The following HMCN1 variants were observed in gnomAD, a reference collection of about 807,000 sequenced individuals.
HMCN1 encodes the protein hemicentin 1.
Under a neutral mutation model 625.9 loss-of-function variants are expected in HMCN1, and 321 were observed. That is an observed-to-expected ratio of 0.51 (90% CI 0.47 to 0.56). The LOEUF is 0.56. Ranked by LOEUF, HMCN1 falls within the 20% of genes least tolerant of loss-of-function variation. HMCN1 has a pLI of 0.00. For missense variants in HMCN1, 6,588 were observed against 6,887.3 expected (o/e 0.96, Z 1.54); for synonymous variants, 2,425 against 2,417.6 (o/e 1.00, Z -0.09).
At chr1:186,035,374 A>G (rs895350820) in intron 36 of HMCN1, among the ~76,000 whole-genome samples, 9 of 152,036 alleles carry the variant, frequency 5.9e-5, no homozygotes, top group African/African-American at 2.2e-4. Flanking sequence ...TTTATTTTAG[A>G]CTTTTCAAAA....
chr1:186,024,346 C>T (rs1654920780), intron 36 of HMCN1, among the ~76,000 whole-genome samples: 1 of 152,142 alleles, frequency 6.6e-6, no homozygotes, highest in African/African-American at 2.4e-5. Flanking sequence ...CAGCTGTCTC[C>T]AGCATCTGCT....
intron 4 of HMCN1, among the ~76,000 whole-genome samples, chr1:185,869,791 A>G (rs2102367075): frequency 6.6e-6 from 1 of 152,256 alleles, no homozygotes; most frequent in South Asian, 2.1e-4. Flanking sequence ...AACTCTAGGG[A>G]AAACAGATGC....
In HMCN1 at chr1:186,119,869, T is replaced by A. The variant is rs1558237872; in HGVS notation, c.12081T>A (p.Asn4027Lys). 2 of 1,614,136 alleles carry A rather than the reference T, an allele frequency of 1.2e-6. No homozygotes were observed. The highest frequency in any genetic ancestry group is 1.7e-5 in the Admixed American group (1 of 60,018). The stretch of plus-strand genomic sequence containing the variant: ...TTACTTGGCAAAAAGAAGGCATCAA[T>A]GTTAACACTTCAGGTACCTACCACT... ...PFITWQKEGI[N>K]VNTSGRNHAV... Residue 4027 changes from asparagine to lysine, a missense_variant, in exon 79 of 107, where the codon AAT becomes AAA. Asn to Lys is a moderately conservative substitution (Grantham distance 94). Transcript: ENST00000271588.
chr1:186,068,238 A>G (rs1227940640), intron 50 of HMCN1, among the ~76,000 whole-genome samples: 2 of 152,182 alleles, frequency 1.3e-5, no homozygotes, highest in Admixed American at 1.3e-4. Context: ...AAGAATACCT[A>G]AATTAAAAGG....
At chr1:186,120,193 A>T in intron 80 of HMCN1, 48 bp downstream of exon 80, 1 of 1,576,978 alleles carries the variant, frequency 6.3e-7, no homozygotes, top group Non-Finnish European at 8.7e-7. Flanking sequence ...TGTTTGTAAC[A>T]ATGTCTACCA....
chr1:186,120,386 CCT>C (rs1166173630), intron 80 of HMCN1, among the ~76,000 whole-genome samples: 1 of 152,064 alleles, frequency 6.6e-6, no homozygotes, highest in Non-Finnish European at 1.5e-5. Flanking sequence ...CTTCTATGAA[CCT>C]CTGTTTGATA....
chr1:186,063,248 C>G (rs1657870721), intron 48 of HMCN1, among the ~76,000 whole-genome samples: 1 of 151,008 alleles, frequency 6.6e-6, no homozygotes, highest in East Asian at 2.0e-4. Context: ...TTGAGTCCCA[C>G]TATATATTAA....
intron 1 of HMCN1, among the ~76,000 whole-genome samples, chr1:185,737,084 TA>T (rs1653628611): frequency 6.6e-6 from 1 of 152,164 alleles, no homozygotes; most frequent in South Asian, 2.1e-4. Flanking sequence ...ATTTGTGTGA[TA>T]TTTTTCCTCT....
chr1:185,899,138 C>G (rs1208026035), intron 4 of HMCN1, among the ~76,000 whole-genome samples: 1 of 152,126 alleles, frequency 6.6e-6, no homozygotes, highest in Non-Finnish European at 1.5e-5. Context: ...AGACCATTAT[C>G]TCCCTCAACT....
chr1:185,978,042 T>A, intron 16 of HMCN1, 61 bp downstream of exon 16: 1 of 1,131,342 alleles, frequency 8.8e-7, no homozygotes. Flanking sequence ...ATTTATGTTT[T>A]ATACATAGGT....
At chr1:185,763,097 A>C (rs1124757) in intron 1 of HMCN1, among the ~76,000 whole-genome samples, 52,660 of 152,088 alleles carry the variant, frequency 0.35, 10,514 homozygotes, top group African/African-American at 0.54. Context: ...ACCTGGGCCC[A>C]AAAACCCAGG....
At chr1:186,130,794 A>G (rs1421912577) in intron 85 of HMCN1, 97 bp downstream of exon 85, 2 of 1,043,028 alleles carry the variant, frequency 1.9e-6, no homozygotes, top group Non-Finnish European at 2.9e-6. Flanking sequence ...TTACATTCCT[A>G]TTTAAATCAT....
chr1:185,842,992 T>C (rs1218587814), intron 1 of HMCN1, among the ~76,000 whole-genome samples: 1 of 152,320 alleles, frequency 6.6e-6, no homozygotes, highest in African/African-American at 2.4e-5. Context: ...AGTTTTTCAA[T>C]TTCATTGTCT....
In HMCN1 at chr1:186,119,893, C is replaced by A. The variant is rs547870040; in HGVS notation, c.12094+11C>A. 1.2e-5 allele frequency: 19 copies of A among 1,613,954 alleles called. No homozygotes were observed. The Admixed American group carries it at 3.0e-4, about 25-fold the overall frequency. On this transcript the variant is annotated intron_variant, in intron 79 of 106. Transcript: ENST00000271588. ...ATGTTAACACTTCAGGTACCTACCA[C>A]TGTTTTTCTATCAAGAAAATCATAG...
chr1:185,824,133 T>C (rs974396985), intron 1 of HMCN1, among the ~76,000 whole-genome samples: 4 of 152,158 alleles, frequency 2.6e-5, no homozygotes, highest in African/African-American at 9.7e-5. Context: ...GCTTTATGCT[T>C]CAGCTTGTTT....
chr1:185,782,128 G>C (rs917353069), intron 1 of HMCN1, among the ~76,000 whole-genome samples: 1 of 152,030 alleles, frequency 6.6e-6, no homozygotes, highest in African/African-American at 2.4e-5. Flanking sequence ...TTTGATCTTT[G>C]TTGGTTTAAA....
At chr1:185,964,774 C>T (rs1650281557) in intron 13 of HMCN1, among the ~76,000 whole-genome samples, 1 of 151,974 alleles carries the variant, frequency 6.6e-6, no homozygotes, top group South Asian at 2.1e-4. Context: ...AGGATTTAGG[C>T]TCAGTCTGGA....
At chr1:185,778,507 C>T (rs976005744) in intron 1 of HMCN1, among the ~76,000 whole-genome samples, 2 of 133,294 alleles carry the variant, frequency 1.5e-5, no homozygotes, top group African/African-American at 5.5e-5. Context: ...GCCCCCACCC[C>T]ACAACAGTCC....
In HMCN1 at chr1:186,182,367, T is replaced by C. The variant is rs371843074; in HGVS notation, c.16414+80T>C. On this transcript the variant is annotated intron_variant, in intron 105 of 106. Coordinates refer to ENST00000271588, the MANE Select transcript of HMCN1 (RefSeq NM_031935.3). The stretch of plus-strand genomic sequence containing the variant: ...AGTGTGAGAAGTTTTTTTTCAATAA[T>C]CATTCTCCTAGTGGCTTCCCCTTCT... The C allele has an allele frequency of 3.6e-4, 549 of 1,528,932 alleles. 8 individuals carry two copies. In the South Asian group the frequency reaches 5.8e-3, roughly 16 times the overall value. 94.7% of individuals were successfully genotyped at this position (1,528,932 alleles called of 1,614,324 possible).
Sources: gnomAD v4.1 joint callset for allele counts (sites outside exome capture counted in the v4.1 genomes callset) on GRCh38, gnomAD v4.1.1 for gene constraint, MANE v1.5 for transcripts, NCBI Gene and HGNC (gene_info 2026-07-23, HGNC 2026-07-21) for gene names.